The following ITPR1 variants were observed in gnomAD, a reference collection of about 807,000 sequenced individuals.
ITPR1 encodes inositol 1,4,5-trisphosphate receptor type 1.
Under a neutral mutation model 318.4 loss-of-function variants are expected in ITPR1, and 96 were observed. The ratio of observed to expected loss-of-function variants is 0.30; its 90% CI spans 0.26 to 0.36. ITPR1 has a LOEUF of 0.36. Ranked by LOEUF, ITPR1 falls within the 10% of genes least tolerant of loss-of-function variation. ITPR1 has a pLI of 1.00. For missense variants in ITPR1, 2,440 were observed against 3,460.2 expected (o/e 0.71, Z 7.40); for synonymous variants, 1,312 against 1,289.9 (o/e 1.02, Z -0.37).
intron 4 of ITPR1, among the ~76,000 whole-genome samples, chr3:4,625,700 G>A (rs1277595049): frequency 1.3e-5 from 2 of 152,092 alleles, no homozygotes; most frequent in African/African-American, 2.4e-5. Flanking sequence ...GGGACTACAG[G>A]CGCCCGCCAC....
chr3:4,606,281 T>A (rs2091696701), intron 4 of ITPR1, among the ~76,000 whole-genome samples: 1 of 152,054 alleles, frequency 6.6e-6, no homozygotes, highest in African/African-American at 2.4e-5. Flanking sequence ...GACAAAAAAG[T>A]CTTCCTTTGG....
chr3:4,598,826 G>A (rs1021302285), intron 4 of ITPR1, among the ~76,000 whole-genome samples: 2 of 152,134 alleles, frequency 1.3e-5, no homozygotes, highest in Non-Finnish European at 2.9e-5. Flanking sequence ...GCAATTTTAT[G>A]TCATTTCCTG....
chr3:4,597,401 G>A (rs1199886303), intron 4 of ITPR1, among the ~76,000 whole-genome samples: 1 of 152,168 alleles, frequency 6.6e-6, no homozygotes, highest in Non-Finnish European at 1.5e-5. Flanking sequence ...ATGGGGATTT[G>A]GGTGTATGTA....
intron 40 of ITPR1, among the ~76,000 whole-genome samples, chr3:4,724,801 T>C (rs551249335): frequency 6.6e-6 from 1 of 152,260 alleles, no homozygotes; most frequent in African/African-American, 2.4e-5. Flanking sequence ...CATCCTTTTG[T>C]TGCTCATCCA....
chr3:4,709,285 T>C (rs71313890), intron 37 of ITPR1, among the ~76,000 whole-genome samples: 4,998 of 152,318 alleles, frequency 0.033, 98 homozygotes, highest in Non-Finnish European at 0.049. Flanking sequence ...CACTCAAAAT[T>C]ATTTGATTGA....
intron 53 of ITPR1, among the ~76,000 whole-genome samples, 192 bp downstream of exon 53, chr3:4,795,379 A>T (rs939826244): frequency 6.6e-6 from 1 of 152,208 alleles, no homozygotes; most frequent in Non-Finnish European, 1.5e-5. Context: ...TAACTTTTTT[A>T]TCCATTTTTT....
intron 4 of ITPR1, among the ~76,000 whole-genome samples, chr3:4,602,828 A>ATG (rs1455394631): frequency 6.6e-6 from 1 of 151,650 alleles, no homozygotes; most frequent in African/African-American, 2.4e-5. Context: ...GACACTAGAT[A>ATG]ACTGGGCTCT....
intron 2 of ITPR1, among the ~76,000 whole-genome samples, chr3:4,501,461 C>A (rs1486411726): frequency 1.3e-5 from 2 of 152,222 alleles, no homozygotes; most frequent in Admixed American, 1.3e-4. Context: ...TGAATGAGAA[C>A]CTACATTTTT....
intron 4 of ITPR1, among the ~76,000 whole-genome samples, chr3:4,547,719 A>C (rs757522735): frequency 2.0e-5 from 3 of 152,164 alleles, no homozygotes; most frequent in Non-Finnish European, 4.4e-5. Flanking sequence ...AACCCCCTTC[A>C]TATGCAGTTA....
At chr3:4,724,763 TC>T (rs1322830148) in intron 40 of ITPR1, among the ~76,000 whole-genome samples, 5 of 152,024 alleles carry the variant, frequency 3.3e-5, no homozygotes, top group Non-Finnish European at 7.4e-5. Context: ...TCTCACCCCT[TC>T]CCCCTCACCT....
At chr3:4,578,637 T>C (rs2125047579) in intron 4 of ITPR1, among the ~76,000 whole-genome samples, 1 of 152,288 alleles carries the variant, frequency 6.6e-6, no homozygotes, top group East Asian at 1.9e-4. Flanking sequence ...TGAGTTACCG[T>C]TGTTCATAGA....
chr3:4,523,388 A>G (rs536119431), intron 4 of ITPR1, among the ~76,000 whole-genome samples: 10 of 152,160 alleles, frequency 6.6e-5, no homozygotes, highest in Non-Finnish European at 1.5e-4. Flanking sequence ...TGGAATGGCT[A>G]AATTGAGTTA....
intron 4 of ITPR1, among the ~76,000 whole-genome samples, chr3:4,626,060 G>T (rs2092815895): frequency 6.6e-6 from 1 of 152,090 alleles, no homozygotes; most frequent in Non-Finnish European, 1.5e-5. Context: ...GATGGCTTCA[G>T]TCCAGGAGTT....
intron 16 of ITPR1, among the ~76,000 whole-genome samples, chr3:4,663,855 A>G (rs1261447407): frequency 1.3e-5 from 2 of 152,172 alleles, no homozygotes; most frequent in Non-Finnish European, 2.9e-5. Context: ...TTCTTACTGC[A>G]TGCATTGTTT....
chr3:4,750,962 G>A (rs2044463699), intron 44 of ITPR1: 1 of 152,960 alleles, frequency 6.5e-6, no homozygotes, highest in Non-Finnish European at 1.5e-5. Flanking sequence ...CTCCATGAGA[G>A]AGACCTATCC....
chr3:4,642,085 G>GT lies in ITPR1; in HGVS notation c.367-3dup, dbSNP rs2093352146. The GT allele has an allele frequency of 1.9e-6, 3 of 1,576,814 alleles. No individual in the cohort carries two copies. The highest frequency in any genetic ancestry group is 2.6e-6 in the Non-Finnish European group (3 of 1,163,340). Reference sequence around the variant, plus strand: ...GACACTCACTTTATTCTCTTGGTGGGTTTTTAGCTCCTGCATTTGAAAAGT... The same window carrying GT: ...GACACTCACTTTATTCTCTTGGTGGGTTTTTTAGCTCCTGCATTTGAAAAGT... On this transcript the variant is annotated splice_polypyrimidine_tract_variant and splice_region_variant and intron_variant, in intron 6 of 61. Coordinates refer to ENST00000649015, the MANE Select transcript of ITPR1 (RefSeq NM_001378452.1).
At chr3:4,508,012 G>C (rs145647240) in intron 2 of ITPR1, among the ~76,000 whole-genome samples, 2 of 152,306 alleles carry the variant, frequency 1.3e-5, no homozygotes, top group Admixed American at 6.5e-5. Context: ...AGGTAATTGT[G>C]TGGTAAAATA....
At chr3:4,834,831 G>A (rs17041517) in intron 60 of ITPR1, among the ~76,000 whole-genome samples, 77,433 of 151,936 alleles carry the variant, frequency 0.51, 19,932 homozygotes, top group Middle Eastern at 0.66. Context: ...TTGCTCTGTG[G>A]TGGGAAATTG....
intron 17 of ITPR1, among the ~76,000 whole-genome samples, chr3:4,666,911 A>T (rs539075356): frequency 6.6e-6 from 1 of 152,312 alleles, no homozygotes; most frequent in South Asian, 2.1e-4. Flanking sequence ...CATTGACTTT[A>T]AAAAAGTATT....
Sources: gnomAD v4.1 joint callset for allele counts (sites outside exome capture counted in the v4.1 genomes callset) on GRCh38, gnomAD v4.1.1 for gene constraint, MANE v1.5 for transcripts, NCBI Gene and HGNC (gene_info 2026-07-23, HGNC 2026-07-21) for gene names.